Variants in CARS1 observed in about 807,000 individuals in gnomAD.
CARS1 encodes the protein cysteinyl-tRNA synthetase 1.
Under a neutral mutation model 106.2 loss-of-function variants are expected in CARS1, and 48 were observed. The ratio of observed to expected loss-of-function variants is 0.45; its 90% CI spans 0.36 to 0.57. CARS1 has a LOEUF of 0.57. CARS1 is among the 20% of genes least tolerant of loss of function. The pLI is 0.00. For synonymous variants in CARS1, 409 were observed against 403.4 expected (o/e 1.01, Z -0.17); for missense variants, 968 against 1,057.2 (o/e 0.92, Z 1.17).
In CARS1 at chr11:3,045,011, C is replaced by G. The variant is rs1281608601; in HGVS notation, c.274+2742G>C. ...AACCTTCATGTTCCTGAAACTATGGCCTCGGCGTCTGACAGACCCACACCC... is the reference window on the plus strand; with the variant it reads ...AACCTTCATGTTCCTGAAACTATGGGCTCGGCGTCTGACAGACCCACACCC... On this transcript the variant is annotated intron_variant, in intron 2 of 22. Transcript: ENST00000380525. This position sits in a 1 kb window ranked among gnomAD's most constrained non-coding sequence, Gnocchi z 5.6. Among the ~76,000 whole-genome samples the G allele has an allele frequency of 6.6e-6, 1 of 152,148 alleles. No individual in the cohort carries two copies. Among genetic ancestry groups the G allele is most frequent in the Non-Finnish European group, 1.5e-5 (1 of 68,038 alleles).
chr11:3,002,187 G>T, intron 21 of CARS1, 134 bp from the exon 22 acceptor site: 1 of 716,144 alleles, frequency 1.4e-6, no homozygotes. Flanking sequence ...ATGAAAGATG[G>T]GAAGGGGAAA....
In CARS1 at chr11:3,040,789, GC is replaced by G; in HGVS notation, c.455+106del. ...ATTCCTCAAATCTCAGGTCTCTGTAGCAGATCTAAGATCTTTGTGGACCTAA... is the reference window on the plus strand; with the variant it reads ...ATTCCTCAAATCTCAGGTCTCTGTAGAGATCTAAGATCTTTGTGGACCTAA... On this transcript the variant is annotated intron_variant, in intron 4 of 22. Transcript: ENST00000380525. The surrounding 1 kb of genome is among the most constrained non-coding windows in gnomAD (Gnocchi z 5.8). The G allele has an allele frequency of 8.8e-7, 1 of 1,133,374 alleles. No homozygotes were observed. The highest frequency in any genetic ancestry group is 1.3e-6 in the Non-Finnish European group (1 of 777,576). The allele number at this position is 1,133,374 out of a possible 1,614,324, so 70.2% of individuals were successfully genotyped here. A position where few individuals can be genotyped will look rare whatever the true frequency, so the allele number is the denominator to read the frequency against.
intron 17 of CARS1, among the ~76,000 whole-genome samples, chr11:3,013,279 C>T (rs528520703): frequency 9.9e-5 from 15 of 151,296 alleles, no homozygotes; most frequent in Non-Finnish European, 1.9e-4. Context: ...CAGCCTCCCG[C>T]GTAGCTGGGA....
rs1565074454 is a variant in CARS1, at chr11:3,032,001, TCCCTCCCTCCCTCCCTCCCTCCC to T, written c.802-2581_802-2559del. Among the ~76,000 whole-genome samples, 29 of 13,154 alleles carry T rather than the reference TCCCTCCCTCCCTCCCTCCCTCCC, an allele frequency of 2.2e-3. 5 individuals are homozygous for T. The highest frequency in any genetic ancestry group is 0.029 in the Middle Eastern group (1 of 34). 8.6% of individuals were successfully genotyped at this position (13,154 alleles called of 152,430 possible). On this transcript the variant is annotated intron_variant, in intron 7 of 22. Transcript: ENST00000380525. ...TTTTCTTTCTCCTTCCTTCCTTCCC[TCCCTCCCTCCCTCCCTCCCTCCC>T]TCCCTCCCTCCCTCCCTCCCTCCCT...
At chr11:3,055,016 A>G in intron 1 of CARS1, 1 of 700,958 alleles carries the variant, frequency 1.4e-6, no homozygotes, top group Non-Finnish European at 2.6e-6. Flanking sequence ...AAGCCTATGC[A>G]CCTTCAAGAC....
intron 1 of CARS1, among the ~76,000 whole-genome samples, chr11:3,051,498 ACCCCAAAGTGAGGT>A (rs959886250): frequency 2.6e-5 from 4 of 152,154 alleles, no homozygotes; most frequent in African/African-American, 9.7e-5. Flanking sequence ...AGCTCCAAGC[ACCCCAAAGTGAGGT>A]CCTGGAAAAC....
At position 3,039,266 on chromosome 11, in the gene CARS1, G is replaced by T. The variant is rs769305699; in HGVS notation, c.579C>A (p.His193Gln). 6.2e-7 allele frequency: 1 copy of T among 1,613,650 alleles called. No homozygotes were observed. Among genetic ancestry groups the T allele is most frequent in the Non-Finnish European group, 8.5e-7 (1 of 1,179,688 alleles). Reference protein sequence around the residue: ...DKIIKRARQNHLFEQYREKRP... With the variant: ...DKIIKRARQNQLFEQYREKRP... ...TCTTCTCCCGATACTGCTCGAACAG[G>T]TGGTTCTGCCGGGCCCTCTTGATGA... The change falls in exon 6 of 23, where the codon CAC becomes CAA. Residue 193 changes from histidine (H) to glutamine (Q), a missense_variant. Transcript: ENST00000380525. The surrounding 1 kb of genome is among the most constrained non-coding windows in gnomAD (Gnocchi z 5.6).
intron 2 of CARS1, among the ~76,000 whole-genome samples, chr11:3,047,550 C>G (rs1412258594): frequency 6.6e-6 from 1 of 152,210 alleles, no homozygotes; most frequent in Non-Finnish European, 1.5e-5. Flanking sequence ...TCCTGAATAA[C>G]CAACTCCATA....
chr11:3,012,156 G>A, intron 18 of CARS1, 39 bp downstream of exon 18: 1 of 1,558,872 alleles, frequency 6.4e-7, no homozygotes, highest in Non-Finnish European at 8.9e-7. Flanking sequence ...CCCAGTGAGG[G>A]GAGTGGCTCC....
rs375007827 is a variant in CARS1, at chr11:3,052,297, C to T, written c.26-4296G>A. Among the ~76,000 whole-genome samples the T allele has an allele frequency of 6.6e-6, 1 of 152,128 alleles. No individual in the cohort carries two copies. Among genetic ancestry groups the T allele is most frequent in the East Asian group, 1.9e-4 (1 of 5,192 alleles). ...GGTAAAACACGCTCATAACATCAGC[C>T]CTGTAAAGCTGCAGGCCATTAAGTC... On this transcript the variant is annotated intron_variant, in intron 1 of 22. Transcript: ENST00000380525. The surrounding 1 kb of genome is among the most constrained non-coding windows in gnomAD (Gnocchi z 4.6).
rs375833170 is a variant in CARS1 at position 3,020,244 on chromosome 11, C to T, written c.1242G>A (p.Pro414=). Residue 414 remains proline (P), a synonymous_variant, in exon 11 of 23, where the codon CCG becomes CCA. Coordinates refer to ENST00000380525, the MANE Select transcript of CARS1 (RefSeq NM_001014437.3). The surrounding 1 kb of genome is among the most constrained non-coding windows in gnomAD (Gnocchi z 4.6). ...ALWKASKPGE[P]SWPCPWGKGR... is the part of the protein sequence containing the mutation. ...CCTTTCCCCAAGGGCACGGCCAGGA[C>T]GGTTCTCCGGGCTTAGAGGCCTTCC... 2.7e-4 allele frequency: 428 copies of T among 1,610,878 alleles called. 2 individuals are homozygous for T. In the Middle Eastern group the frequency reaches 9.7e-3, roughly 37 times the overall value.
At chr11:3,042,455 C>T (rs990477849) in intron 2 of CARS1, 199 bp from the exon 3 acceptor site, 10 of 553,836 alleles carry the variant, frequency 1.8e-5, no homozygotes, top group African/African-American at 1.3e-4. Flanking sequence ...GACGGAGTCT[C>T]GCTCTGTCGC....
At chr11:3,026,650 C>A (rs767881621) in intron 10 of CARS1, 26 bp downstream of exon 10, 2 of 1,611,278 alleles carry the variant, frequency 1.2e-6, no homozygotes, top group Admixed American at 3.3e-5. Context: ...GGAGAGCCCA[C>A]ATGCTCTCAG....
Position 3,017,106 on chromosome 11 carries a change from C to T in CARS1, c.1917G>A (p.Lys639=). 6.2e-7 allele frequency: 1 copy of T among 1,610,410 alleles called. No homozygotes were observed. The highest frequency in any genetic ancestry group is 8.5e-7 in the Non-Finnish European group (1 of 1,176,954). The change falls in exon 16 of 23, where the codon AAG becomes AAA. Residue 639 remains lysine, a splice_region_variant and synonymous_variant. Transcript: ENST00000380525. The surrounding 1 kb of genome is among the most constrained non-coding windows in gnomAD (Gnocchi z 4.9). ...NIALYLTHML[K]IFGAVEEDSS... ...TACGCCTGCCTGGGGCCTGGCTTAC[C>T]TTCAGCATATGGGTGAGGTACAGGG...
At chr11:3,003,000 G>A (rs779444803) in intron 20 of CARS1, among the ~76,000 whole-genome samples, 1 of 152,328 alleles carries the variant, frequency 6.6e-6, no homozygotes, top group East Asian at 1.9e-4. Flanking sequence ...GTGGGTCTTG[G>A]GGTACCTGGG....
Position 3,004,050 on chromosome 11 carries a change from C to T in CARS1, c.2217+1316G>A, listed in dbSNP as rs1451011203. On this transcript the variant is annotated intron_variant, in intron 20 of 22. Transcript: ENST00000380525. The surrounding 1 kb of genome is among the most constrained non-coding windows in gnomAD (Gnocchi z 5.2). ...GCACTCTGCCAGGGAGTGCAGCAAGCCAGGGCGTCTGCACAGCCAGCACCA... is the reference window on the plus strand; with the variant it reads ...GCACTCTGCCAGGGAGTGCAGCAAGTCAGGGCGTCTGCACAGCCAGCACCA... Among the ~76,000 whole-genome samples the T allele has an allele frequency of 2.6e-5, 4 of 152,194 alleles. No individual in the cohort carries two copies. Among genetic ancestry groups the T allele is most frequent in the Admixed American group, 2.6e-4 (4 of 15,286 alleles).
rs1854728048 is a variant in CARS1, at chr11:3,043,397, C to T, written c.275-1141G>A. On this transcript the variant is annotated intron_variant, in intron 2 of 22. Coordinates refer to ENST00000380525, the MANE Select transcript of CARS1 (RefSeq NM_001014437.3). The surrounding 1 kb of genome is among the most constrained non-coding windows in gnomAD (Gnocchi z 4.0). ...GCTCCTGCCTGCCCTGCCCCCTCAG[C>T]AGATCCCCACTTTTCTCCACAGTCG... Among the ~76,000 whole-genome samples the T allele has an allele frequency of 6.6e-6, 1 of 152,048 alleles. No homozygotes were observed. Among genetic ancestry groups the T allele is most frequent in the African/African-American group, 2.4e-5 (1 of 41,390 alleles).
At position 3,028,866 on chromosome 11, in the gene CARS1, G is replaced by A; in HGVS notation, c.1031+130C>T. On this transcript the variant is annotated intron_variant, in intron 9 of 22. Coordinates refer to ENST00000380525, the MANE Select transcript of CARS1 (RefSeq NM_001014437.3). The surrounding 1 kb of genome is among the most constrained non-coding windows in gnomAD (Gnocchi z 4.4). ...CCAGAGTTGTAGGAGGAAGTCTGCT[G>A]GGACTTCTAGCTACGCAGCCCCAGA... The A allele has an allele frequency of 2.8e-6, 2 of 705,718 alleles. No individual in the cohort carries two copies. The highest frequency in any genetic ancestry group is 5.1e-6 in the Non-Finnish European group (2 of 394,188). 43.7% of individuals were successfully genotyped at this position (705,718 alleles called of 1,614,324 possible). A position where few individuals can be genotyped will look rare whatever the true frequency, so the allele number is the denominator to read the frequency against.
rs369227399 is a variant in CARS1 at position 3,029,260 on chromosome 11, C to T, written c.942+43G>A. 6.2e-7 allele frequency: 1 copy of T among 1,603,176 alleles called. No individual in the cohort carries two copies. The highest frequency in any genetic ancestry group is 8.5e-7 in the Non-Finnish European group (1 of 1,171,172). ...AAAACAGGAATTTAGAAATCAGGGCCCTTAGCGCAAGAGAGCCAGCACAAG... is the reference window on the plus strand; with the variant it reads ...AAAACAGGAATTTAGAAATCAGGGCTCTTAGCGCAAGAGAGCCAGCACAAG... On this transcript the variant is annotated intron_variant, in intron 8 of 22. Transcript: ENST00000380525. This position sits in a 1 kb window ranked among gnomAD's most constrained non-coding sequence, Gnocchi z 5.9.
Sources: gnomAD v4.1 joint callset for allele counts (sites outside exome capture counted in the v4.1 genomes callset) on GRCh38, gnomAD v4.1.1 for gene constraint, Gnocchi (gnomAD v3.1) non-coding constraint, MANE v1.5 for transcripts, NCBI Gene and HGNC (gene_info 2026-07-23, HGNC 2026-07-21) for gene names.